The following BABAM2 variants were observed in gnomAD, a reference collection of about 807,000 sequenced individuals.
BABAM2 encodes the protein BRISC and BRCA1-A complex member 2.
BABAM2 carries 31 observed loss-of-function variants against 54.7 expected under a neutral mutation model. The observed-to-expected ratio is 0.57, with a 90% CI of 0.43 to 0.77. BABAM2 has a LOEUF of 0.77. Ranked by LOEUF, BABAM2 falls within the 30% of genes least tolerant of loss-of-function variation. The pLI, the probability that BABAM2 is intolerant of heterozygous loss-of-function variation, is 0.00. For synonymous variants in BABAM2, 167 were observed against 162.9 expected, an observed-to-expected ratio of 1.03 and a Z score of -0.19; for missense variants, 364 against 455.8, an observed-to-expected ratio of 0.80 and a Z score of 1.83.
At chr2:28,059,726 A>T (rs576369697) in intron 6 of BABAM2, among the ~76,000 whole-genome samples, 1 of 152,334 alleles carries the variant, frequency 6.6e-6, no homozygotes, top group Admixed American at 6.5e-5. Context: ...AGTATTCCAG[A>T]GGCTACATGG....
chr2:28,210,089 A>G (rs2147983890), intron 7 of BABAM2, among the ~76,000 whole-genome samples: 1 of 152,262 alleles, frequency 6.6e-6, no homozygotes, highest in East Asian at 1.9e-4. Context: ...AGGCTTATAT[A>G]TGGCTCACTG....
intron 6 of BABAM2, among the ~76,000 whole-genome samples, chr2:28,117,535 G>A (rs550434078): frequency 6.6e-6 from 1 of 152,186 alleles, no homozygotes; most frequent in Non-Finnish European, 1.5e-5. Flanking sequence ...AACTAAGGGT[G>A]TGGATGCTGC....
intron 7 of BABAM2, among the ~76,000 whole-genome samples, chr2:28,196,973 T>C (rs901174881): frequency 1.4e-5 from 2 of 146,712 alleles, no homozygotes; most frequent in African/African-American, 2.5e-5. Context: ...GCCTCCCGAA[T>C]AGATGGGACT....
intron 6 of BABAM2, among the ~76,000 whole-genome samples, chr2:28,060,325 A>G (rs1678756391): frequency 6.6e-6 from 1 of 152,202 alleles, no homozygotes; most frequent in Non-Finnish European, 1.5e-5. Context: ...AACTCTTAGG[A>G]ATCTAGGAAT....
chr2:27,944,660 G>A (rs747193137), intron 3 of BABAM2, among the ~76,000 whole-genome samples: 7 of 150,368 alleles, frequency 4.7e-5, no homozygotes, highest in Non-Finnish European at 7.4e-5. Flanking sequence ...TCTATTTTTT[G>A]GCTATTATGA....
intron 6 of BABAM2, among the ~76,000 whole-genome samples, chr2:28,087,002 T>C (rs866435161): frequency 3.3e-5 from 5 of 152,210 alleles, no homozygotes; most frequent in South Asian, 4.1e-4. Flanking sequence ...TTAATTTTAA[T>C]ATCAGTTTAA....
rs1558667857 is a variant in BABAM2, at chr2:28,026,935, T to TTA, written c.495+1515_495+1516insTA. Among the ~76,000 whole-genome samples, 115 of 14,736 alleles carry TTA rather than the reference T, an allele frequency of 7.8e-3. 3 individuals are homozygous for TTA. The highest frequency in any genetic ancestry group is 8.8e-3 in the African/African-American group (78 of 8,898). The allele number at this position is 14,736 out of a possible 152,430, so 9.7% of individuals were successfully genotyped here. ...ATATATTAATATATATAAATATATATATAAATATATATTAATATATATAAA... is the reference window on the plus strand; with the variant it reads ...ATATATTAATATATATAAATATATATTAATAAATATATATTAATATATATAAA... On this transcript the variant is annotated intron_variant, in intron 5 of 11. Coordinates refer to ENST00000379624, the MANE Select transcript of BABAM2 (RefSeq NM_199191.3).
chr2:28,060,893 A>G (rs964895479), intron 6 of BABAM2, among the ~76,000 whole-genome samples: 1 of 152,234 alleles, frequency 6.6e-6, no homozygotes. Flanking sequence ...GTAAGATATC[A>G]GTTCTTCCTA....
intron 10 of BABAM2, among the ~76,000 whole-genome samples, chr2:28,264,590 C>G (rs1188398118): frequency 6.6e-6 from 1 of 152,214 alleles, no homozygotes; most frequent in South Asian, 2.1e-4. Flanking sequence ...CCAAAACCGT[C>G]AGTTCATACT....
intron 11 of BABAM2, among the ~76,000 whole-genome samples, chr2:28,337,892 C>G (rs1312863983): frequency 6.6e-6 from 1 of 152,172 alleles, no homozygotes; most frequent in Non-Finnish European, 1.5e-5. Context: ...GTGGCTGAGG[C>G]AGTAGGATCA....
intron 7 of BABAM2, among the ~76,000 whole-genome samples, chr2:28,154,415 T>A (rs1052952833): frequency 6.6e-6 from 1 of 152,198 alleles, no homozygotes; most frequent in African/African-American, 2.4e-5. Flanking sequence ...TTTCTGATTT[T>A]AGGGGAACAG....
intron 10 of BABAM2, among the ~76,000 whole-genome samples, chr2:28,292,598 T>C (rs764593794): frequency 2.6e-5 from 4 of 152,144 alleles, no homozygotes; most frequent in Non-Finnish European, 5.9e-5. Context: ...AGCCACACAA[T>C]GATGACAGGC....
chr2:27,938,412 G>C (rs1229214510), intron 3 of BABAM2, among the ~76,000 whole-genome samples: 1 of 149,114 alleles, frequency 6.7e-6, no homozygotes, highest in Non-Finnish European at 1.5e-5. Context: ...TTTTTTTTGA[G>C]ACAGAATCTC....
At position 28,199,702 on chromosome 2, in the gene BABAM2, G is replaced by A. The variant is rs142546599; in HGVS notation, c.681-37500G>A. ...AGTGAGGAACAGAAAACGAACTTCT[G>A]TGGTGGTCCAGGGCCAATAGATTGG... On this transcript the variant is annotated intron_variant, in intron 7 of 11. Transcript: ENST00000379624. 3.9e-3 allele frequency among the ~76,000 whole-genome samples: 600 copies of A among 152,272 alleles called. 4 individuals carry two copies. The highest frequency in any genetic ancestry group is 0.014 in the African/African-American group (581 of 41,556).
At chr2:27,948,215 A>G (rs1486278006) in intron 3 of BABAM2, among the ~76,000 whole-genome samples, 1 of 151,482 alleles carries the variant, frequency 6.6e-6, no homozygotes, top group Non-Finnish European at 1.5e-5. Flanking sequence ...TGAAAATTAT[A>G]TTTTTTAAAT....
intron 3 of BABAM2, among the ~76,000 whole-genome samples, chr2:27,983,401 C>T (rs62140389): frequency 0.19 from 29,052 of 151,994 alleles, 3,458 homozygotes; most frequent in Non-Finnish European, 0.28. Context: ...TAATTGAGAA[C>T]GCCTGCAAAT....
intron 7 of BABAM2, among the ~76,000 whole-genome samples, chr2:28,199,669 GT>G (rs1345417214): frequency 6.6e-6 from 1 of 152,194 alleles, no homozygotes; most frequent in African/African-American, 2.4e-5. Context: ...TTAGTTGGCA[GT>G]AAGGCAAGTG....
chr2:28,329,907 G>C lies in BABAM2; in HGVS notation c.1089-8543G>C, dbSNP rs187555238. On this transcript the variant is annotated intron_variant, in intron 11 of 11. Coordinates refer to ENST00000379624, the MANE Select transcript of BABAM2 (RefSeq NM_199191.3). The surrounding 1 kb of genome is among the most constrained non-coding windows in gnomAD (Gnocchi z 4.2). Reference sequence around the variant, plus strand: ...AAGAAAATGTCAGGCCAATACTCCTGATGAACATCAGTGTAAAAATCCTCA... The same window carrying C: ...AAGAAAATGTCAGGCCAATACTCCTCATGAACATCAGTGTAAAAATCCTCA... Among the ~76,000 whole-genome samples the C allele has an allele frequency of 3.9e-5, 6 of 152,314 alleles. No homozygotes were observed. The East Asian group carries it at 1.2e-3, about 29-fold the overall frequency.
intron 2 of BABAM2, chr2:27,895,011 A>G: frequency 4.1e-6 from 1 of 241,548 alleles, no homozygotes; most frequent in South Asian, 7.6e-5. Context: ...GCTGCAGTCC[A>G]GCAACAAACA....
Sources: allele counts gnomAD v4.1 joint callset (sites outside exome capture counted in the v4.1 genomes callset), GRCh38; gene constraint gnomAD v4.1.1; non-coding constraint Gnocchi (gnomAD v3.1); transcripts MANE v1.5; gene names NCBI Gene and HGNC (gene_info 2026-07-23, HGNC 2026-07-21).